NUBPL: variants seen among roughly 807,000 people sequenced by gnomAD.
The protein encoded by NUBPL is NUBP iron-sulfur cluster assembly factor, mitochondrial.
A neutral mutation model predicts 45.7 loss-of-function variants in NUBPL; 31 were observed. That is an observed-to-expected ratio of 0.68 (90% CI 0.51 to 0.92). The LOEUF (loss-of-function observed/expected upper bound fraction) is 0.92, where lower values mean the gene tolerates loss of function less well. Among genes scored for constraint, NUBPL ranks in the 40% least tolerant of loss-of-function variants. The probability of loss-of-function intolerance (pLI) is 0.00; values close to 1 mark genes in which losing one functional copy is unlikely to be tolerated. For synonymous variants in NUBPL, 144 were observed against 140.9 expected (o/e 1.02, Z -0.15); for missense variants, 401 against 398.7 (o/e 1.01, Z -0.05).
intron 4 of NUBPL, among the ~76,000 whole-genome samples, chr14:31,610,342 C>T (rs1369296224): frequency 6.6e-6 from 1 of 151,834 alleles, no homozygotes; most frequent in Non-Finnish European, 1.5e-5. Flanking sequence ...CACGTACAAC[C>T]TACCAAGATT....
chr14:31,660,587 T>C (rs1217834439), intron 4 of NUBPL, among the ~76,000 whole-genome samples: 3 of 152,184 alleles, frequency 2.0e-5, no homozygotes, highest in Non-Finnish European at 4.4e-5. Flanking sequence ...TTTCTTTTAC[T>C]TTACCCTGTG....
chr14:31,808,444 C>T (rs1172907579), intron 7 of NUBPL, among the ~76,000 whole-genome samples: 1 of 152,134 alleles, frequency 6.6e-6, no homozygotes, highest in Admixed American at 6.6e-5. Context: ...TATACGAATG[C>T]TTGTGATTTT....
chr14:31,615,444 T>C (rs1477673162), intron 4 of NUBPL, among the ~76,000 whole-genome samples: 2 of 152,014 alleles, frequency 1.3e-5, no homozygotes, highest in African/African-American at 4.8e-5. Flanking sequence ...ATCCCTACCC[T>C]AGCCCCCCCA....
intron 8 of NUBPL, chr14:31,844,667 A>G (rs1439392403): frequency 3.9e-5 from 6 of 152,126 alleles, no homozygotes; most frequent in African/African-American, 1.4e-4. Flanking sequence ...CTTCTTATCT[A>G]TATGTTTCAT....
At chr14:31,567,754 A>G (rs2033475403) in intron 3 of NUBPL, among the ~76,000 whole-genome samples, 2 of 152,206 alleles carry the variant, frequency 1.3e-5, no homozygotes, top group Non-Finnish European at 2.9e-5. Context: ...TGGTTCTTGT[A>G]ATGTGGCTGT....
At chr14:31,712,181 C>T (rs112241071) in intron 6 of NUBPL, among the ~76,000 whole-genome samples, 44,922 of 152,080 alleles carry the variant, frequency 0.3, 7,495 homozygotes, top group South Asian at 0.41. Flanking sequence ...CTGATTGGTC[C>T]GTTTTGACAG....
chr14:31,792,655 A>G (rs930670410), intron 7 of NUBPL, among the ~76,000 whole-genome samples: 1 of 152,176 alleles, frequency 6.6e-6, no homozygotes, highest in African/African-American at 2.4e-5. Context: ...AATTAATTTT[A>G]TAATTATAAA....
At chr14:31,782,787 A>AAAACAAAC (rs57928445) in intron 6 of NUBPL, among the ~76,000 whole-genome samples, 23 of 151,556 alleles carry the variant, frequency 1.5e-4, no homozygotes, top group Admixed American at 3.9e-4. Context: ...CTCCGTCTAA[A>AAAACAAAC]AAACAAACAA....
At chr14:31,610,223 G>A (rs951355569) in intron 4 of NUBPL, among the ~76,000 whole-genome samples, 2 of 152,056 alleles carry the variant, frequency 1.3e-5, no homozygotes, top group African/African-American at 4.8e-5. Context: ...AATGAAAAAG[G>A]AGATGTTACA....
At chr14:31,688,651 TGTTGTTG>T (rs1229550557) in intron 6 of NUBPL, among the ~76,000 whole-genome samples, 4 of 101,630 alleles carry the variant, frequency 3.9e-5, no homozygotes, top group African/African-American at 1.8e-4. Context: ...AACAGGTTTT[TGTTGTTG>T]TTTTTTTTTT....
At chr14:31,855,937 A>T (rs1161913695) in intron 10 of NUBPL, among the ~76,000 whole-genome samples, 1 of 152,250 alleles carries the variant, frequency 6.6e-6, no homozygotes, top group Non-Finnish European at 1.5e-5. Context: ...ATTTACCCCC[A>T]GAGTAACTGT....
intron 6 of NUBPL, among the ~76,000 whole-genome samples, chr14:31,717,913 G>T (rs1595538286): frequency 6.6e-6 from 1 of 152,154 alleles, no homozygotes; most frequent in East Asian, 1.9e-4. Flanking sequence ...CAGAAACATA[G>T]TAAGATACTA....
intron 6 of NUBPL, among the ~76,000 whole-genome samples, chr14:31,708,931 T>G (rs8007116): frequency 0.055 from 8,375 of 152,204 alleles, 660 homozygotes; most frequent in African/African-American, 0.18. Context: ...AGTGTCCTAG[T>G]AAACCACACT....
At chr14:31,625,074 T>C (rs188635952) in intron 4 of NUBPL, among the ~76,000 whole-genome samples, 4 of 152,116 alleles carry the variant, frequency 2.6e-5, no homozygotes, top group African/African-American at 9.6e-5. Flanking sequence ...AAGTATAGGA[T>C]TGAGGGTAGA....
intron 6 of NUBPL, among the ~76,000 whole-genome samples, chr14:31,742,849 T>C (rs1420642908): frequency 2.0e-5 from 3 of 151,674 alleles, no homozygotes; most frequent in African/African-American, 4.8e-5. Flanking sequence ...TCAAGTAATA[T>C]GCCTGCCTCA....
chr14:31,743,351 C>T (rs982834760), intron 6 of NUBPL, among the ~76,000 whole-genome samples: 1 of 152,102 alleles, frequency 6.6e-6, no homozygotes, highest in African/African-American at 2.4e-5. Context: ...TTATGGTATT[C>T]ATTCTCGGCT....
chr14:31,757,327 G>A (rs1315534872), intron 6 of NUBPL, among the ~76,000 whole-genome samples: 31 of 142,330 alleles, frequency 2.2e-4, no homozygotes, highest in African/African-American at 5.7e-4. Context: ...AATCCATCTG[G>A]TCCTGGACTC....
At chr14:31,611,029 A>T (rs969768352) in intron 4 of NUBPL, among the ~76,000 whole-genome samples, 3 of 152,228 alleles carry the variant, frequency 2.0e-5, no homozygotes, top group Non-Finnish European at 2.9e-5. Flanking sequence ...CATGACAAGG[A>T]TGCCCACGTT....
chr14:31,848,248 C>T (rs1201870001), intron 9 of NUBPL, among the ~76,000 whole-genome samples: 1 of 152,208 alleles, frequency 6.6e-6, no homozygotes, highest in Non-Finnish European at 1.5e-5. Context: ...CACGTCCCCT[C>T]CTTTTAATGT....
Sources: allele counts gnomAD v4.1 joint callset (sites outside exome capture counted in the v4.1 genomes callset), GRCh38; gene constraint gnomAD v4.1.1; transcripts MANE v1.5; gene names NCBI Gene and HGNC (gene_info 2026-07-23, HGNC 2026-07-21).